Variants in CAST observed in about 807,000 individuals in gnomAD.
CAST encodes MIR583 host.
Under a neutral mutation model 119.6 loss-of-function variants are expected in CAST, and 76 were observed. The observed-to-expected ratio is 0.64, with a 90% CI of 0.53 to 0.77. The LOEUF (loss-of-function observed/expected upper bound fraction) is 0.77. CAST is among the 30% of genes least tolerant of loss of function. The pLI is 0.00. For missense variants in CAST, 953 were observed against 946.5 expected (o/e 1.01, Z -0.09); for synonymous variants, 319 against 331.6 (o/e 0.96, Z 0.41).
chr5:96,143,955 A>G, the CAST span, among the ~76,000 whole-genome samples: 1 of 152,220 alleles, frequency 6.6e-6, no homozygotes, highest in Non-Finnish European at 1.5e-5. Context: ...GAATTAGGCA[A>G]TCAGACACTT....
chr5:96,238,208 A>G, the CAST span, among the ~76,000 whole-genome samples: 1 of 152,022 alleles, frequency 6.6e-6, no homozygotes, highest in African/African-American at 2.4e-5. Flanking sequence ...CTTTCTATAC[A>G]TATTTTTAAA....
chr5:96,280,374 TCAGGA>T, the CAST span, among the ~76,000 whole-genome samples: 1 of 152,208 alleles, frequency 6.6e-6, no homozygotes, highest in Non-Finnish European at 1.5e-5. Context: ...ACATCACTTC[TCAGGA>T]CAGGTAATGA....
the CAST span, among the ~76,000 whole-genome samples, chr5:96,113,475 A>C: frequency 1.1e-3 from 161 of 152,384 alleles, 1 homozygote; most frequent in African/African-American, 3.7e-3. Context: ...CAAAATATAA[A>C]GTGGGAGTCT....
the CAST span, among the ~76,000 whole-genome samples, chr5:95,997,963 GTT>G: frequency 9.6e-5 from 9 of 93,604 alleles, no homozygotes; most frequent in Non-Finnish European, 1.4e-4. Context: ...TTGAGAGAGG[GTT>G]TTTTTTTTTT....
chr5:96,007,443 G>C, the CAST span, among the ~76,000 whole-genome samples: 1 of 152,110 alleles, frequency 6.6e-6, no homozygotes, highest in Non-Finnish European at 1.5e-5. Context: ...TAACTCTTTT[G>C]CAGGCTTTTA....
chr5:96,548,886 T>A (rs1159855978), intron 1 of CAST, among the ~76,000 whole-genome samples: 2 of 152,228 alleles, frequency 1.3e-5, no homozygotes, highest in Non-Finnish European at 2.9e-5. Context: ...AGACCAGAGT[T>A]AGTTCATAGC....
At chr5:96,728,748 A>C (rs1759830016) in intron 6 of CAST, 1 of 160,796 alleles carries the variant, frequency 6.2e-6, no homozygotes, top group Admixed American at 6.1e-5. Context: ...AAGTGCTGGG[A>C]TTACAGGCGT....
At chr5:96,146,425 A>G in the CAST span, among the ~76,000 whole-genome samples, 1 of 152,222 alleles carries the variant, frequency 6.6e-6, no homozygotes, top group Non-Finnish European at 1.5e-5. Flanking sequence ...ACCCACTGCC[A>G]GAGTTTCTGA....
At chr5:96,012,102 A>G in the CAST span, among the ~76,000 whole-genome samples, 1 of 152,180 alleles carries the variant, frequency 6.6e-6, no homozygotes, top group South Asian at 2.1e-4. Flanking sequence ...ATACACGGTT[A>G]CTATTCATGT....
the CAST span, among the ~76,000 whole-genome samples, chr5:96,273,619 C>T: frequency 6.6e-6 from 1 of 152,134 alleles, no homozygotes; most frequent in African/African-American, 2.4e-5. Flanking sequence ...TACTTTCAGG[C>T]ATGTAAGATT....
intron 3 of CAST, among the ~76,000 whole-genome samples, chr5:96,711,167 G>A (rs774686369): frequency 1.3e-5 from 2 of 152,136 alleles, no homozygotes; most frequent in Admixed American, 1.3e-4. Flanking sequence ...AAATCTTTGT[G>A]AAATACCACT....
chr5:96,705,316 C>CA (rs924727609), intron 3 of CAST, among the ~76,000 whole-genome samples: 2 of 144,216 alleles, frequency 1.4e-5, no homozygotes, highest in South Asian at 2.2e-4. Flanking sequence ...GACTCTGTGT[C>CA]AAAAAAATAT....
the CAST span, among the ~76,000 whole-genome samples, chr5:96,440,500 C>T: frequency 6.6e-6 from 1 of 152,014 alleles, no homozygotes; most frequent in African/African-American, 2.4e-5. Context: ...TTGTTACATG[C>T]CAAGGAGAGG....
At chr5:96,093,314 A>G in the CAST span, among the ~76,000 whole-genome samples, 3 of 152,064 alleles carry the variant, frequency 2.0e-5, no homozygotes, top group Non-Finnish European at 4.4e-5. Flanking sequence ...TACAGAGAAA[A>G]TGTTTATTGA....
At chr5:96,337,013 A>C in the CAST span, among the ~76,000 whole-genome samples, 1 of 152,226 alleles carries the variant, frequency 6.6e-6, no homozygotes, top group African/African-American at 2.4e-5. Context: ...CTAGGAGTTT[A>C]CGTTTGATCT....
chr5:96,047,559 G>A, the CAST span, among the ~76,000 whole-genome samples: 20 of 152,112 alleles, frequency 1.3e-4, no homozygotes, highest in Non-Finnish European at 2.8e-4. Context: ...TGAGTTTCTA[G>A]GTTTCAGGGC....
intron 1 of CAST, among the ~76,000 whole-genome samples, chr5:96,650,851 T>C (rs951956646): frequency 6.6e-6 from 1 of 151,790 alleles, no homozygotes; most frequent in Non-Finnish European, 1.5e-5. Flanking sequence ...TCCAGATGTA[T>C]AGAGATAGAG....
the CAST span, among the ~76,000 whole-genome samples, chr5:96,150,625 A>G: frequency 6.6e-6 from 1 of 152,214 alleles, no homozygotes; most frequent in Admixed American, 6.5e-5. Flanking sequence ...TTGACTGGGT[A>G]AAAACTGACT....
upstream of CAST, among the ~76,000 whole-genome samples, chr5:96,529,440 T>C (rs959701694): frequency 6.6e-6 from 1 of 151,694 alleles, no homozygotes; most frequent in Admixed American, 6.6e-5. Context: ...TAGATAAAAA[T>C]TGTACATTTT....
Sources: allele counts gnomAD v4.1 joint callset (sites outside exome capture counted in the v4.1 genomes callset), GRCh38; gene constraint gnomAD v4.1.1; transcripts MANE v1.5; gene names NCBI Gene and HGNC (gene_info 2026-07-23, HGNC 2026-07-21).